The following CDH18 variants were observed in gnomAD, a reference collection of about 807,000 sequenced individuals.
CDH18 encodes cadherin 18.
Under a neutral mutation model 67.9 loss-of-function variants are expected in CDH18, and 31 were observed. That is an observed-to-expected ratio of 0.46 (90% CI 0.34 to 0.62). The LOEUF (loss-of-function observed/expected upper bound fraction) is 0.62, where lower values mean the gene tolerates loss of function less well. Ranked by LOEUF, CDH18 falls within the 20% of genes least tolerant of loss-of-function variation. CDH18 has a pLI of 0.01. For missense variants in CDH18, 890 were observed against 975.5 expected (o/e 0.91, Z 1.17); for synonymous variants, 362 against 347.2 (o/e 1.04, Z -0.48).
intron 2 of CDH18, among the ~76,000 whole-genome samples, chr5:20,049,003 A>G (rs1741160496): frequency 6.6e-6 from 1 of 151,706 alleles, no homozygotes; most frequent in Admixed American, 6.6e-5. Context: ...CAAATAGTTT[A>G]TTTTCTGACA....
chr5:20,437,966 G>A (rs905312356), intron 1 of CDH18, among the ~76,000 whole-genome samples: 1 of 151,042 alleles, frequency 6.6e-6, no homozygotes, highest in African/African-American at 2.4e-5. Context: ...AGAATAAAAG[G>A]CAAATACAGA....
At chr5:19,750,007 A>G (rs1410381430) in intron 3 of CDH18, among the ~76,000 whole-genome samples, 1 of 152,056 alleles carries the variant, frequency 6.6e-6, no homozygotes, top group Non-Finnish European at 1.5e-5. Context: ...ATGTATTTCG[A>G]TTACATTGCT....
At chr5:20,054,066 G>A (rs922579645) in intron 2 of CDH18, among the ~76,000 whole-genome samples, 73 of 151,960 alleles carry the variant, frequency 4.8e-4, no homozygotes, top group African/African-American at 1.5e-3. Flanking sequence ...GTAATTTTTC[G>A]TATTAGGGGC....
At chr5:20,368,885 A>G (rs1216594969) in intron 1 of CDH18, among the ~76,000 whole-genome samples, 2 of 152,146 alleles carry the variant, frequency 1.3e-5, no homozygotes, top group Admixed American at 1.3e-4. Context: ...CCTCAATGAC[A>G]CAGATGATGT....
intron 11 of CDH18, chr5:19,502,669 T>A (rs1167281054): frequency 4.4e-6 from 2 of 457,688 alleles, no homozygotes; most frequent in African/African-American, 4.0e-5. Flanking sequence ...TTTCCTAATT[T>A]GAATATTTTC....
intron 10 of CDH18, among the ~76,000 whole-genome samples, chr5:19,518,206 A>G (rs1746337180): frequency 6.6e-6 from 1 of 152,144 alleles, no homozygotes; most frequent in South Asian, 2.1e-4. Context: ...TAAATTATAT[A>G]AACTGCACAA....
chr5:20,069,507 G>A (rs949199091), intron 2 of CDH18, among the ~76,000 whole-genome samples: 6 of 151,898 alleles, frequency 4.0e-5, no homozygotes, highest in South Asian at 4.2e-4. Context: ...CCACCTCCCG[G>A]GTTCAAGCGA....
Position 20,573,806 on chromosome 5 carries a change from A to AATATATATAT in CDH18, c.-580+1646_-580+1655dup, listed in dbSNP as rs60858438. 1.1e-3 allele frequency among the ~76,000 whole-genome samples: 131 copies of AATATATATAT among 118,754 alleles called. 8 individuals are homozygous for AATATATATAT. The highest frequency in any genetic ancestry group is 4.4e-3 in the East Asian group (13 of 2,986). 77.9% of individuals were successfully genotyped at this position (118,754 alleles called of 152,430 possible). On this transcript the variant is annotated intron_variant, in intron 1 of 14. Transcript: ENST00000507958. ...TCCCCCAAATATAATACTTAAAAGA[A>AATATATATAT]ATATATATATATATATATATATATA...
At chr5:20,221,291 T>C (rs1308231734) in intron 2 of CDH18, among the ~76,000 whole-genome samples, 1 of 152,074 alleles carries the variant, frequency 6.6e-6, no homozygotes, top group Non-Finnish European at 1.5e-5. Context: ...TAAAAATGAA[T>C]GAGATCCTGT....
chr5:19,563,704 C>A lies in CDH18; in HGVS notation c.1253+7875G>T, dbSNP rs577836295. ...ATAGAACCCTACAAAGATTGTCAAC[C>A]CTGCAGGAACACTGAATTGAAGAAC... is the stretch of plus-strand genomic sequence containing the variant. On this transcript the variant is annotated intron_variant, in intron 8 of 12. Coordinates refer to ENST00000382275, the MANE Select transcript of CDH18 (RefSeq NM_004934.5). Among the ~76,000 whole-genome samples the A allele has an allele frequency of 2.0e-5, 3 of 152,224 alleles. No individual in the cohort carries two copies. In the East Asian group the frequency reaches 5.8e-4, roughly 29 times the overall value.
intron 3 of CDH18, among the ~76,000 whole-genome samples, chr5:19,771,349 C>T (rs888029101): frequency 7.2e-5 from 11 of 152,232 alleles, no homozygotes; most frequent in African/African-American, 2.7e-4. Context: ...CTTTGTTGCT[C>T]TCTATCTTGG....
chr5:20,356,370 A>C (rs1394773487), intron 1 of CDH18, among the ~76,000 whole-genome samples: 1 of 152,120 alleles, frequency 6.6e-6, no homozygotes, highest in Non-Finnish European at 1.5e-5. Flanking sequence ...GCGAAAGAGC[A>C]AGACTCCATC....
chr5:20,548,353 G>A (rs927256460), intron 1 of CDH18, among the ~76,000 whole-genome samples: 1 of 151,768 alleles, frequency 6.6e-6, no homozygotes, highest in African/African-American at 2.4e-5. Context: ...TTTATTGTAT[G>A]TGTATATGTG....
intron 11 of CDH18, among the ~76,000 whole-genome samples, chr5:19,488,845 C>A (rs1378425366): frequency 6.6e-6 from 1 of 152,184 alleles, no homozygotes; most frequent in Non-Finnish European, 1.5e-5. Flanking sequence ...TCTTCGTATT[C>A]TCTGACTTCC....
At chr5:19,482,627 G>T (rs1739654560) in intron 12 of CDH18, among the ~76,000 whole-genome samples, 1 of 151,626 alleles carries the variant, frequency 6.6e-6, no homozygotes, top group Non-Finnish European at 1.5e-5. Flanking sequence ...ATATATTTAA[G>T]GTGTGCAACA....
chr5:20,069,819 A>G (rs1157646653), intron 2 of CDH18, among the ~76,000 whole-genome samples: 2 of 152,192 alleles, frequency 1.3e-5, no homozygotes, highest in African/African-American at 4.8e-5. Context: ...TTACATATAC[A>G]CAGCCTCTCC....
chr5:20,400,790 T>G (rs867282193), intron 1 of CDH18, among the ~76,000 whole-genome samples: 1 of 152,048 alleles, frequency 6.6e-6, no homozygotes, highest in South Asian at 2.1e-4. Flanking sequence ...ATCAAACAAA[T>G]AAAATAAGTA....
intron 3 of CDH18, among the ~76,000 whole-genome samples, chr5:19,810,985 T>C (rs1009539622): frequency 2.7e-5 from 4 of 149,514 alleles, no homozygotes; most frequent in Non-Finnish European, 5.9e-5. Context: ...ATCCTGACAC[T>C]GCACTCCAGC....
At chr5:19,606,112 G>A (rs188291011) in intron 6 of CDH18, among the ~76,000 whole-genome samples, 199 of 151,338 alleles carry the variant, frequency 1.3e-3, no homozygotes, top group Non-Finnish European at 2.5e-3. Flanking sequence ...CGGATTCCAG[G>A]AATAAGAGCT....
Sources: gnomAD v4.1 joint callset for allele counts (sites outside exome capture counted in the v4.1 genomes callset) on GRCh38, gnomAD v4.1.1 for gene constraint, MANE v1.5 for transcripts, NCBI Gene and HGNC (gene_info 2026-07-23, HGNC 2026-07-21) for gene names.